Variants in CMIP observed in about 807,000 individuals in gnomAD.
CMIP encodes c-Maf inducing protein.
A neutral mutation model predicts 97.3 loss-of-function variants in CMIP; 13 were observed. That is an observed-to-expected ratio of 0.13 (90% confidence interval 0.09 to 0.21). CMIP has a LOEUF of 0.21. Among genes scored for constraint, CMIP ranks in the 10% least tolerant of loss-of-function variants. The pLI, the probability that CMIP is intolerant of heterozygous loss-of-function variation, is 1.00. For synonymous variants in CMIP, 538 were observed against 436.3 expected (o/e 1.23, Z -2.91); for missense variants, 847 against 1,024.9 (o/e 0.83, Z 2.37).
At chr16:81,544,133 C>T (rs2090499453) in intron 1 of CMIP, among the ~76,000 whole-genome samples, 1 of 152,208 alleles carries the variant, frequency 6.6e-6, no homozygotes, top group African/African-American at 2.4e-5. Flanking sequence ...CGCAGGGGTC[C>T]CCCCGCCCCA....
At chr16:81,572,550 C>T (rs988527371) in intron 1 of CMIP, among the ~76,000 whole-genome samples, 1 of 152,242 alleles carries the variant, frequency 6.6e-6, no homozygotes, top group Admixed American at 6.5e-5. Flanking sequence ...TTGTTTCCTT[C>T]CCTGACGGGA....
chr16:81,469,992 C>T (rs1181225660), intron 1 of CMIP, among the ~76,000 whole-genome samples: 1 of 152,210 alleles, frequency 6.6e-6, no homozygotes, highest in Non-Finnish European at 1.5e-5. Context: ...TGATCTCCTG[C>T]ATTTCCTCTG....
intron 1 of CMIP, among the ~76,000 whole-genome samples, chr16:81,540,956 A>T (rs565969181): frequency 2.0e-4 from 30 of 148,548 alleles, no homozygotes; most frequent in Admixed American, 3.4e-4. Context: ...CTGGGATTAC[A>T]GGTGTGAGCC....
At chr16:81,708,280 G>A (rs889392512) in intron 20 of CMIP, among the ~76,000 whole-genome samples, 5 of 152,362 alleles carry the variant, frequency 3.3e-5, no homozygotes, top group South Asian at 2.1e-4. Context: ...TCAGGGTGGC[G>A]TCTGCAGACC....
chr16:81,593,034 A>G (rs1338978151), intron 1 of CMIP, among the ~76,000 whole-genome samples: 1 of 152,214 alleles, frequency 6.6e-6, no homozygotes, highest in Admixed American at 6.5e-5. Flanking sequence ...CACGAAGATG[A>G]CTGGGGCTGG....
At chr16:81,632,266 A>G (rs980508576) in intron 3 of CMIP, among the ~76,000 whole-genome samples, 23 of 152,242 alleles carry the variant, frequency 1.5e-4, no homozygotes, top group East Asian at 3.8e-4. Context: ...CCTAAAAAGT[A>G]TAGAAAGGTA....
chr16:81,571,467 C>T (rs765672526), intron 1 of CMIP, among the ~76,000 whole-genome samples: 3 of 150,550 alleles, frequency 2.0e-5, no homozygotes, highest in Non-Finnish European at 4.4e-5. Flanking sequence ...GACCCTATGT[C>T]ATTTAGGAAA....
chr16:81,609,549 C>A (rs2091797362), intron 2 of CMIP, among the ~76,000 whole-genome samples: 1 of 152,232 alleles, frequency 6.6e-6, no homozygotes, highest in Non-Finnish European at 1.5e-5. Flanking sequence ...CCTGGGGAGA[C>A]AGAGCCATAA....
At position 81,667,766 on chromosome 16, in the gene CMIP, A is replaced by AAGAGAGAGAGAG. The variant is rs59388984; in HGVS notation, c.826-2353_826-2342dup. On this transcript the variant is annotated intron_variant, in intron 7 of 20. Transcript: ENST00000537098. ...CAGGAGGGAGGGAGGGAGGGAGAGAAAGAGAGAGAGAGAGAGAGAGAGAGA... is the reference window on the plus strand; with the variant it reads ...CAGGAGGGAGGGAGGGAGGGAGAGAAAGAGAGAGAGAGAGAGAGAGAGAGAGAGAGAGAGAGA... 8.1e-4 allele frequency among the ~76,000 whole-genome samples: 69 copies of AAGAGAGAGAGAG among 85,158 alleles called. 1 individual carries two copies. The highest frequency in any genetic ancestry group is 1.7e-3 in the African/African-American group (36 of 20,604). 55.9% of individuals were successfully genotyped at this position (85,158 alleles called of 152,430 possible).
chr16:81,664,432 C>A, intron 7 of CMIP, 83 bp downstream of exon 7: 2 of 1,354,688 alleles, frequency 1.5e-6, no homozygotes, highest in Non-Finnish European at 2.0e-6. Flanking sequence ...TGCGTTGGCA[C>A]AGATTTGGGG....
At chr16:81,456,803 G>A (rs1906577296) in intron 1 of CMIP, among the ~76,000 whole-genome samples, 1 of 152,244 alleles carries the variant, frequency 6.6e-6, no homozygotes, top group Admixed American at 6.5e-5. Flanking sequence ...GCTGTGAGCT[G>A]AGAGGAGGGC....
chr16:81,682,442 A>G (rs1469933107), intron 10 of CMIP, among the ~76,000 whole-genome samples: 2 of 151,796 alleles, frequency 1.3e-5, no homozygotes, highest in African/African-American at 2.4e-5. Flanking sequence ...GCACATGCCC[A>G]TAATCCCAGC....
intron 1 of CMIP, among the ~76,000 whole-genome samples, chr16:81,471,747 G>T (rs34659764): frequency 0.28 from 41,845 of 152,096 alleles, 6,249 homozygotes; most frequent in Admixed American, 0.41. Flanking sequence ...TAAAATAAGG[G>T]TGACTTGAAC....
chr16:81,476,169 G>T, intron 1 of CMIP: 1 of 1,167,384 alleles, frequency 8.6e-7, no homozygotes, highest in Non-Finnish European at 1.3e-6. Context: ...ACTCAGTCTT[G>T]GCAGTGCGTG....
chr16:81,666,441 G>T (rs1226542067), intron 7 of CMIP: 2 of 152,142 alleles, frequency 1.3e-5, no homozygotes, highest in Non-Finnish European at 1.5e-5. Context: ...ATTCAGACAG[G>T]CTCTCGGGGC....
chr16:81,462,086 A>G (rs1198330501), intron 1 of CMIP, among the ~76,000 whole-genome samples: 1 of 151,704 alleles, frequency 6.6e-6, no homozygotes, highest in African/African-American at 2.4e-5. Context: ...ATTTTGGTCC[A>G]TTTCTGCATC....
At chr16:81,671,658 A>G (rs1211525606) in intron 8 of CMIP, among the ~76,000 whole-genome samples, 1 of 152,190 alleles carries the variant, frequency 6.6e-6, no homozygotes, top group African/African-American at 2.4e-5. Context: ...TGCTATCCTC[A>G]TTTTATCGCT....
At chr16:81,664,745 A>G (rs2092585148) in intron 7 of CMIP, 1 of 388,054 alleles carries the variant, frequency 2.6e-6, no homozygotes, top group Non-Finnish European at 4.6e-6. Flanking sequence ...GGGCAGGAGT[A>G]GCCTTGCAGT....
Position 81,475,333 on chromosome 16 carries a change from G to A in CMIP, c.300+29792G>A, listed in dbSNP as rs534051551. On this transcript the variant is annotated intron_variant, in intron 1 of 20. Coordinates refer to ENST00000537098, the MANE Select transcript of CMIP (RefSeq NM_198390.3). ...TAATATTTCAGTGTAACCACTCAGC[G>A]GAAGAAATAAACCATTCCAGTTGCA... 3.5e-4 allele frequency among the ~76,000 whole-genome samples: 54 copies of A among 152,166 alleles called. 1 individual carries two copies. The highest frequency in any genetic ancestry group is 1.1e-3 in the African/African-American group (46 of 41,428).
Sources: gnomAD v4.1 joint callset for allele counts (sites outside exome capture counted in the v4.1 genomes callset) on GRCh38, gnomAD v4.1.1 for gene constraint, MANE v1.5 for transcripts, NCBI Gene and HGNC (gene_info 2026-07-23, HGNC 2026-07-21) for gene names.